Variants in PSMD1 observed in about 807,000 individuals in gnomAD.
The protein encoded by PSMD1 is proteasome 26S subunit, non-ATPase 1, also known as 26S proteasome non-ATPase regulatory subunit 1.
A neutral mutation model predicts 119.0 loss-of-function variants in PSMD1; 18 were observed. The observed-to-expected ratio is 0.15, with a 90% CI of 0.10 to 0.22. The LOEUF (loss-of-function observed/expected upper bound fraction) is 0.22, where lower values mean the gene tolerates loss of function less well. Ranked by LOEUF, PSMD1 falls within the 10% of genes least tolerant of loss-of-function variation. The pLI, the probability that PSMD1 is intolerant of heterozygous loss-of-function variation, is 1.00. For missense variants in PSMD1, 702 were observed against 1,158.5 expected, an observed-to-expected ratio of 0.61 and a Z score of 5.72; for synonymous variants, 374 against 396.6, an observed-to-expected ratio of 0.94 and a Z score of 0.68.
intron 13 of PSMD1, 98 bp downstream of exon 13, chr2:231,083,092 C>A: frequency 1.1e-6 from 1 of 901,068 alleles, no homozygotes; most frequent in Non-Finnish European, 1.7e-6. Context: ...CTTAAAATTC[C>A]GATGGATTTC....
chr2:231,062,736 A>G (rs1050556463), intron 4 of PSMD1, 61 bp downstream of exon 4: 6 of 1,315,144 alleles, frequency 4.6e-6, no homozygotes, highest in Non-Finnish European at 6.0e-6. Flanking sequence ...TGTAGTGCAC[A>G]TAGAAGCTTT....
chr2:231,068,629 T>C (rs994106648), intron 5 of PSMD1, among the ~76,000 whole-genome samples: 2 of 152,198 alleles, frequency 1.3e-5, no homozygotes, highest in Non-Finnish European at 2.9e-5. Flanking sequence ...CACCATCTCT[T>C]TCCATCCCGC....
intron 16 of PSMD1, among the ~76,000 whole-genome samples, chr2:231,128,049 G>A (rs140573916): frequency 6.6e-6 from 1 of 152,326 alleles, no homozygotes; most frequent in African/African-American, 2.4e-5. Flanking sequence ...GAAAAGGGCA[G>A]TCTAATATTC....
Position 231,170,785 on chromosome 2 carries a change from A to G in PSMD1, c.*9+64A>G. On this transcript the variant is annotated intron_variant, in intron 24 of 24. Coordinates refer to ENST00000308696, the MANE Select transcript of PSMD1 (RefSeq NM_002807.4). The surrounding 1 kb of genome is among the most constrained non-coding windows in gnomAD (Gnocchi z 4.1). Reference sequence around the variant, plus strand: ...TCAATACTTCACAAATGTTTTTTGCAAGGACATCATCTCACGTTTTTCCTT... The same window carrying G: ...TCAATACTTCACAAATGTTTTTTGCGAGGACATCATCTCACGTTTTTCCTT... The G allele has an allele frequency of 1.4e-6, 2 of 1,465,650 alleles. No individual in the cohort carries two copies. The highest frequency in any genetic ancestry group is 1.8e-6 in the Non-Finnish European group (2 of 1,091,318). 90.8% of individuals were successfully genotyped at this position (1,465,650 alleles called of 1,614,324 possible).
intron 16 of PSMD1, chr2:231,108,756 T>C (rs1267234095): frequency 6.2e-7 from 1 of 1,614,156 alleles, no homozygotes; most frequent in Admixed American, 1.7e-5. Context: ...TTTACTGACT[T>C]TGTGGCCCGG....
At chr2:231,057,213 G>C (rs1444638033) in intron 1 of PSMD1, among the ~76,000 whole-genome samples, 172 bp downstream of exon 1, 4 of 152,036 alleles carry the variant, frequency 2.6e-5, no homozygotes, top group African/African-American at 9.7e-5. Flanking sequence ...TCAGGTCACT[G>C]CGTGCTTCTC....
intron 16 of PSMD1, among the ~76,000 whole-genome samples, chr2:231,135,838 A>G (rs1374827297): frequency 2.0e-5 from 3 of 152,190 alleles, no homozygotes; most frequent in Non-Finnish European, 4.4e-5. Flanking sequence ...CAAATTATTC[A>G]TACAAGGAAG....
chr2:231,108,819 G>A (rs1378214520), intron 16 of PSMD1: 2 of 1,614,172 alleles, frequency 1.2e-6, no homozygotes, highest in Non-Finnish European at 1.7e-6. Context: ...TTATTGAAGA[G>A]GGTGTAGACC....
intron 8 of PSMD1, among the ~76,000 whole-genome samples, chr2:231,076,128 T>C (rs1157229314): frequency 6.6e-6 from 1 of 152,208 alleles, no homozygotes; most frequent in East Asian, 1.9e-4. Context: ...GCAGAAGTTA[T>C]TTCTGTCTGA....
chr2:231,141,730 C>T (rs1283123941), intron 17 of PSMD1, among the ~76,000 whole-genome samples: 1 of 151,958 alleles, frequency 6.6e-6, no homozygotes, highest in East Asian at 1.9e-4. Flanking sequence ...ATATAATGTT[C>T]ACTGCTGGAA....
intron 16 of PSMD1, among the ~76,000 whole-genome samples, chr2:231,096,633 T>C (rs1002182911): frequency 6.6e-6 from 1 of 152,248 alleles, no homozygotes; most frequent in Non-Finnish European, 1.5e-5. Context: ...AAATTTTCTT[T>C]TTAATTCTCA....
At chr2:231,134,793 C>G (rs182694373) in intron 16 of PSMD1, among the ~76,000 whole-genome samples, 1 of 152,230 alleles carries the variant, frequency 6.6e-6, no homozygotes, top group Non-Finnish European at 1.5e-5. Context: ...TCAGTTTTCC[C>G]TGGTTTTGAT....
At chr2:231,131,757 G>A (rs1270839523) in intron 16 of PSMD1, among the ~76,000 whole-genome samples, 5 of 29,100 alleles carry the variant, frequency 1.7e-4, no homozygotes, top group Non-Finnish European at 2.2e-4. Flanking sequence ...GCGAGACTCC[G>A]TCTCAAAAAA....
intron 16 of PSMD1, among the ~76,000 whole-genome samples, chr2:231,136,144 C>T (rs374919727): frequency 1.9e-4 from 29 of 152,192 alleles, no homozygotes; most frequent in Non-Finnish European, 3.4e-4. Context: ...TGTCTGAAAA[C>T]CCTAAAATGT....
At chr2:231,058,984 CA>C (rs1693688005) in intron 1 of PSMD1, among the ~76,000 whole-genome samples, 1 of 152,084 alleles carries the variant, frequency 6.6e-6, no homozygotes, top group African/African-American at 2.4e-5. Context: ...GAATTTTGAG[CA>C]GGAAGCTTGT....
intron 23 of PSMD1, among the ~76,000 whole-genome samples, chr2:231,166,578 A>C (rs1246652009): frequency 6.6e-6 from 1 of 151,720 alleles, no homozygotes; most frequent in African/African-American, 2.4e-5. Flanking sequence ...AAGGATCTTC[A>C]TGGAATTTAA....
intron 16 of PSMD1, chr2:231,109,054 T>C: frequency 4.3e-6 from 7 of 1,614,252 alleles, no homozygotes; most frequent in Non-Finnish European, 5.9e-6. Flanking sequence ...TGGATGTTCT[T>C]CGCATAAGTG....
At chr2:231,061,620 A>G (rs546883056) in intron 2 of PSMD1, among the ~76,000 whole-genome samples, 5 of 151,976 alleles carry the variant, frequency 3.3e-5, no homozygotes, top group African/African-American at 1.2e-4. Context: ...GCTAGAGTGC[A>G]GTGTGTGGTC....
intron 21 of PSMD1, chr2:231,164,859 G>A (rs1198773771): frequency 6.5e-6 from 1 of 153,746 alleles, no homozygotes; most frequent in Non-Finnish European, 1.4e-5. Context: ...TCTCAATCTT[G>A]GAAGTACATG....
Sources: gnomAD v4.1 joint callset for allele counts (sites outside exome capture counted in the v4.1 genomes callset) on GRCh38, gnomAD v4.1.1 for gene constraint, Gnocchi (gnomAD v3.1) non-coding constraint, MANE v1.5 for transcripts, NCBI Gene and HGNC (gene_info 2026-07-23, HGNC 2026-07-21) for gene names.